The following SLC34A2 variants were observed in gnomAD, a reference collection of about 807,000 sequenced individuals.
SLC34A2 encodes solute carrier family 34 member 2, also known as sodium-dependent phosphate transport protein 2B.
Under a neutral mutation model 50.8 loss-of-function variants are expected in SLC34A2, and 41 were observed. The observed-to-expected ratio is 0.81, with a 90% confidence interval of 0.63 to 1.05. The LOEUF (loss-of-function observed/expected upper bound fraction) is 1.05, where lower values mean the gene tolerates loss of function less well. Ranked by LOEUF, SLC34A2 falls within the 50% of genes least tolerant of loss-of-function variation. The probability of loss-of-function intolerance (pLI) is 0.00; values close to 1 mark genes in which losing one functional copy is unlikely to be tolerated. For synonymous variants in SLC34A2, 401 were observed against 364.2 expected (o/e 1.10, Z -1.15); for missense variants, 879 against 876.7 (o/e 1.00, Z -0.03).
rs1292269103 is a variant in SLC34A2, at chr4:25,678,021, T to G, written c.*1272T>G. 2 of 152,738 alleles carry G rather than the reference T, an allele frequency of 1.3e-5. No homozygotes were observed. Among genetic ancestry groups the G allele is most frequent in the Non-Finnish European group, 2.9e-5 (2 of 68,504 alleles). 9.5% of individuals were successfully genotyped at this position (152,738 alleles called of 1,614,324 possible). ...GGGGTGTGTTCCTTCTCATCCTAGA[T>G]GCCTTCTCTGTGCCTTCCACAGCCT... is the stretch of plus-strand genomic sequence containing the variant. On this transcript the variant is annotated 3_prime_UTR_variant, in exon 13 of 13. Coordinates refer to ENST00000382051, the MANE Select transcript of SLC34A2 (RefSeq NM_006424.3).
chr4:25,666,084 G>T, intron 4 of SLC34A2, 44 bp from the exon 5 acceptor site: 1 of 1,607,272 alleles, frequency 6.2e-7, no homozygotes, highest in Non-Finnish European at 8.5e-7. Context: ...AATCCCCCTC[G>T]ATCACGTTGT....
intron 1 of SLC34A2, among the ~76,000 whole-genome samples, chr4:25,658,684 G>A (rs2109045082): frequency 6.6e-6 from 1 of 152,320 alleles, no homozygotes; most frequent in South Asian, 2.1e-4. Flanking sequence ...GTGGCAGCGG[G>A]GGAGCCCCTC....
chr4:25,662,733 G>C lies in SLC34A2; in HGVS notation c.141G>C (p.Lys47Asn). Residue 47 changes from lysine to asparagine, a missense_variant, in exon 3 of 13, where the codon AAG becomes AAC. Physicochemically the swap from Lys to Asn is moderately conservative, Grantham distance 94. Transcript: ENST00000382051. ...KTDNTEAPVTKIELLPSYSTA... is the reference protein window; with the variant it reads ...KTDNTEAPVTNIELLPSYSTA... ...ATAACACTGAGGCACCTGTAACCAA[G>C]ATTGAACTTCTGCCGTCCTACTCCA... The C allele has an allele frequency of 6.2e-7, 1 of 1,614,050 alleles. No individual in the cohort carries two copies. Among genetic ancestry groups the C allele is most frequent in the Non-Finnish European group, 8.5e-7 (1 of 1,180,006 alleles).
At chr4:25,673,530 TC>T (rs1714937052) in intron 10 of SLC34A2, among the ~76,000 whole-genome samples, 2 of 152,098 alleles carry the variant, frequency 1.3e-5, no homozygotes, top group African/African-American at 2.4e-5. Flanking sequence ...TTAGCGGGTT[TC>T]CTGTATGCTC....
At chr4:25,671,772 G>A in intron 9 of SLC34A2, 51 bp downstream of exon 9, 5 of 1,613,544 alleles carry the variant, frequency 3.1e-6, no homozygotes, top group Non-Finnish European at 4.2e-6. Context: ...GTCTGGGGGT[G>A]ACCTATTTAT....
Position 25,674,348 on chromosome 4 carries a change from G to A in SLC34A2, c.1269G>A (p.Gly423=), listed in dbSNP as rs149899157. 4.6e-5 allele frequency: 74 copies of A among 1,614,140 alleles called. No individual in the cohort carries two copies. In the African/African-American group the frequency reaches 9.1e-4, roughly 20 times the overall value. Residue 423 remains glycine (G), a synonymous_variant, in exon 11 of 13, where the codon GGG becomes GGA. Coordinates refer to ENST00000382051, the MANE Select transcript of SLC34A2 (RefSeq NM_006424.3). ...CTGGCTACCTGGCCATCCTCGTCGG[G>A]GCAGGCATGACCTTCATCGTACAGA... ...WLTGYLAILV[G]AGMTFIVQSS...
intron 9 of SLC34A2, among the ~76,000 whole-genome samples, chr4:25,672,525 T>C (rs942529130): frequency 1.2e-4 from 18 of 152,192 alleles, no homozygotes; most frequent in African/African-American, 4.1e-4. Flanking sequence ...TGTATATCTC[T>C]GCTTCTCTCT....
chr4:25,672,073 G>C (rs1006600082), intron 9 of SLC34A2, among the ~76,000 whole-genome samples: 7 of 152,092 alleles, frequency 4.6e-5, no homozygotes, highest in African/African-American at 1.7e-4. Context: ...GTGTCTCAAG[G>C]CTATAATCCC....
chr4:25,676,412 G>C lies in SLC34A2; in HGVS notation c.1736G>C (p.Cys579Ser). Residue 579 changes from cysteine (C) to serine (S), a missense_variant, in exon 13 of 13, where the codon TGC becomes TCC. Physicochemically the swap from Cys to Ser is moderately radical, Grantham distance 112. Transcript: ENST00000382051. ...TGCCTCCGACTCCTGCAGTCTCGCT[G>C]CCCACGCGTCCTGCCGAAGAAACTC... ...VLCLRLLQSRCPRVLPKKLQN... is the reference protein window; with the variant it reads ...VLCLRLLQSRSPRVLPKKLQN... The C allele has an allele frequency of 6.2e-7, 1 of 1,614,028 alleles. No individual in the cohort carries two copies. The highest frequency in any genetic ancestry group is 8.5e-7 in the Non-Finnish European group (1 of 1,179,900).
Position 25,670,773 on chromosome 4 carries a change from C to T in SLC34A2, c.867C>T (p.Asn289=), listed in dbSNP as rs140631105. The T allele has an allele frequency of 4.9e-5, 79 of 1,613,882 alleles. No homozygotes were observed. Among genetic ancestry groups the T allele is most frequent in the African/African-American group, 2.7e-4 (20 of 75,002 alleles). The stretch of plus-strand genomic sequence containing the variant: ...AAGTTATCAGCCAAATTGCAATGAA[C>T]GATGAAAAAGCGAAAAACAAGAGTC... ...DKKVISQIAM[N]DEKAKNKSLV... The change falls in exon 8 of 13, where the codon AAC becomes AAT. Residue 289 remains asparagine (N), a synonymous_variant. Coordinates refer to ENST00000382051, the MANE Select transcript of SLC34A2 (RefSeq NM_006424.3).
At chr4:25,670,591 G>T (rs1714759229) in intron 7 of SLC34A2, 147 bp from the exon 8 acceptor site, 1 of 690,010 alleles carries the variant, frequency 1.4e-6, no homozygotes, top group Admixed American at 2.1e-5. Context: ...CAGTGCCTCT[G>T]CAGATAGAGT....
chr4:25,664,794 C>T lies in SLC34A2; in HGVS notation c.379+464C>T, dbSNP rs142025817. ...CTTACCTTCACAGCCCTTAGGGCTG[C>T]GTGTGCCCATGCAGTGTGAGAACCC... On this transcript the variant is annotated intron_variant, in intron 4 of 12. Transcript: ENST00000382051. 8.8e-5 allele frequency: 22 copies of T among 251,300 alleles called. No homozygotes were observed. In the East Asian group the frequency reaches 1.1e-3, roughly 12 times the overall value. 15.6% of individuals were successfully genotyped at this position (251,300 alleles called of 1,614,324 possible). A position where few individuals can be genotyped will look rare whatever the true frequency, so the allele number is the denominator to read the frequency against.
At chr4:25,668,057 G>A in intron 6 of SLC34A2, 66 bp downstream of exon 6, 3 of 1,001,352 alleles carry the variant, frequency 3.0e-6, no homozygotes, top group East Asian at 2.4e-5. Context: ...TGTTGTAACT[G>A]CTTTTAACCA....
intron 4 of SLC34A2, among the ~76,000 whole-genome samples, chr4:25,665,745 T>C (rs956757782): frequency 6.6e-6 from 1 of 152,160 alleles, no homozygotes; most frequent in Non-Finnish European, 1.5e-5. Context: ...AGGAGGCTCA[T>C]TGGAACCCAC....
At position 25,662,573 on chromosome 4, in the gene SLC34A2, C is replaced by A; in HGVS notation, c.73C>A (p.Gln25Lys). The A allele has an allele frequency of 2.5e-6, 4 of 1,614,146 alleles. No individual in the cohort carries two copies. The highest frequency in any genetic ancestry group is 3.4e-6 in the Non-Finnish European group (4 of 1,180,026). ...GTACCTCGAAGGGGCCGCAGGTCAGCAGCCCACTGCCCCTGATAAAAGCAA... is the reference window on the plus strand; with the variant it reads ...GTACCTCGAAGGGGCCGCAGGTCAGAAGCCCACTGCCCCTGATAAAAGCAA... ...DKYLEGAAGQ[Q>K]PTAPDKSKET... is the part of the protein sequence containing the mutation. Residue 25 changes from glutamine (Q) to lysine (K), a missense_variant, in exon 2 of 13, where the codon CAG becomes AAG. Gln to Lys is a moderately conservative substitution (Grantham distance 53, BLOSUM62 1). Coordinates refer to ENST00000382051, the MANE Select transcript of SLC34A2 (RefSeq NM_006424.3).
At position 25,662,779 on chromosome 4, in the gene SLC34A2, C is replaced by T. The variant is rs1714275329; in HGVS notation, c.187C>T (p.Pro63Ser). The part of the protein sequence containing the change: ...SYSTATLIDE[P>S]TEVDDPWNLP... The stretch of plus-strand genomic sequence containing the variant: ...CTCCACGGCTACACTGATAGATGAG[C>T]CCACTGAGGTGGATGACCCCTGGAA... The change falls in exon 3 of 13, where the codon CCC (proline) becomes TCC (serine). Residue 63 changes from proline (P) to serine (S), a missense_variant. Physicochemically the swap from Pro to Ser is moderately conservative, Grantham distance 74. Coordinates refer to ENST00000382051, the MANE Select transcript of SLC34A2 (RefSeq NM_006424.3). 1 of 1,614,006 alleles carries T rather than the reference C, an allele frequency of 6.2e-7. No homozygotes were observed. The highest frequency in any genetic ancestry group is 8.5e-7 in the Non-Finnish European group (1 of 1,180,000).
rs1364840975 is a variant in SLC34A2, at chr4:25,669,666, G to A, written c.655G>A (p.Val219Ile). The A allele has an allele frequency of 6.2e-7, 1 of 1,613,938 alleles. No homozygotes were observed. The highest frequency in any genetic ancestry group is 1.7e-5 in the Admixed American group (1 of 59,982). The part of the protein sequence containing the change: ...EFRRAFAGAT[V>I]HDFFNWLSVL... ...CCATAGAGCTTTTGCAGGAGCCACT[G>A]TCCATGACTTCTTCAACTGGCTGTC... Residue 219 changes from valine (V) to isoleucine (I), a missense_variant, in exon 7 of 13, where the codon GTC (valine) becomes ATC (isoleucine). By Grantham distance (29) the Val-to-Ile change is conservative. Transcript: ENST00000382051.
At chr4:25,666,403 C>T in intron 5 of SLC34A2, 132 bp downstream of exon 5, 1 of 1,015,752 alleles carries the variant, frequency 9.8e-7, no homozygotes, top group East Asian at 2.6e-5. Context: ...TATCTTGCCC[C>T]AGCTACAATG....
chr4:25,670,666 C>A, intron 7 of SLC34A2, 72 bp from the exon 8 acceptor site: 2 of 1,220,034 alleles, frequency 1.6e-6, no homozygotes, highest in South Asian at 1.3e-5. Context: ...CCTCTCACTT[C>A]AACCCCCTGG....
Sources: allele counts gnomAD v4.1 joint callset (sites outside exome capture counted in the v4.1 genomes callset), GRCh38; gene constraint gnomAD v4.1.1; transcripts MANE v1.5; gene names NCBI Gene and HGNC (gene_info 2026-07-23, HGNC 2026-07-21).